The following LRRTM4 variants were observed in gnomAD, a reference collection of about 807,000 sequenced individuals.
LRRTM4 encodes leucine-rich repeat transmembrane neuronal protein 4.
A neutral mutation model predicts 47.6 loss-of-function variants in LRRTM4; 25 were observed. That is an observed-to-expected ratio of 0.53 (90% CI 0.38 to 0.73). The LOEUF (loss-of-function observed/expected upper bound fraction) is 0.73, where lower values mean the gene tolerates loss of function less well. LRRTM4 is among the 30% of genes least tolerant of loss of function. The pLI, the probability that LRRTM4 is intolerant of heterozygous loss-of-function variation, is 0.00. For missense variants in LRRTM4, 638 were observed against 713.4 expected (o/e 0.89, Z 1.20); for synonymous variants, 311 against 269.5 (o/e 1.15, Z -1.51).
chr2:76,840,123 A>G (rs1040673813), intron 3 of LRRTM4, among the ~76,000 whole-genome samples: 3 of 152,200 alleles, frequency 2.0e-5, no homozygotes, highest in African/African-American at 7.2e-5. Flanking sequence ...TCCCTTGGAA[A>G]AATGAATTTT....
rs1193276134 is a variant in LRRTM4, at chr2:77,059,114, T to A, written c.1552-310198A>T. The stretch of plus-strand genomic sequence containing the variant: ...CTTTGTTATCTGCTAAACTTGGCAA[T>A]GGTTTTCAAGATCTGTAGCTAAATT... On this transcript the variant is annotated intron_variant, in intron 3 of 3. Transcript: ENST00000409884. Among the ~76,000 whole-genome samples the A allele has an allele frequency of 2.6e-5, 4 of 152,264 alleles. No homozygotes were observed. The South Asian group carries it at 8.3e-4, about 32-fold the overall frequency.
chr2:77,131,020 G>A (rs1671788179), intron 3 of LRRTM4, among the ~76,000 whole-genome samples: 1 of 145,542 alleles, frequency 6.9e-6, no homozygotes, highest in Admixed American at 7.0e-5. Flanking sequence ...ATTTTTAGTA[G>A]AGACGGGGTT....
chr2:77,395,848 A>G (rs1221570544), intron 3 of LRRTM4, among the ~76,000 whole-genome samples: 1 of 152,086 alleles, frequency 6.6e-6, no homozygotes, highest in East Asian at 1.9e-4. Flanking sequence ...ACTAATATTC[A>G]TTTCAGTATT....
intron 3 of LRRTM4, among the ~76,000 whole-genome samples, chr2:76,918,858 G>T (rs144115827): frequency 6.6e-6 from 1 of 152,188 alleles, no homozygotes; most frequent in African/African-American, 2.4e-5. Flanking sequence ...TGTCATCCAC[G>T]ATGTATTCCA....
At chr2:76,968,589 T>C (rs939025494) in intron 3 of LRRTM4, among the ~76,000 whole-genome samples, 6 of 151,488 alleles carry the variant, frequency 4.0e-5, no homozygotes, top group Middle Eastern at 3.4e-3. Flanking sequence ...CACTGCTCAT[T>C]TTGCTTTTTA....
At chr2:76,907,886 G>A (rs1482848216) in intron 3 of LRRTM4, among the ~76,000 whole-genome samples, 1 of 143,976 alleles carries the variant, frequency 6.9e-6, no homozygotes. Context: ...AGGACCAGAT[G>A]GATTTACAGC....
rs1415752655 is a variant in LRRTM4, at chr2:77,019,255, A to C, written c.1552-270339T>G. Among the ~76,000 whole-genome samples the C allele has an allele frequency of 3.6e-4, 51 of 141,986 alleles. 1 individual carries two copies. Among genetic ancestry groups the C allele is most frequent in the South Asian group, 6.6e-4 (3 of 4,536 alleles). 93.1% of individuals were successfully genotyped at this position (141,986 alleles called of 152,430 possible). A position where few individuals can be genotyped will look rare whatever the true frequency, so the allele number is the denominator to read the frequency against. ...ATACTAAGCTTGTCACTGCTCTACA[A>C]AAAAAAAAAAAAAAAAAAAAATATA... On this transcript the variant is annotated intron_variant, in intron 3 of 3. Transcript: ENST00000409884.
At chr2:77,167,268 G>T (rs1312442777) in intron 3 of LRRTM4, among the ~76,000 whole-genome samples, 1 of 152,140 alleles carries the variant, frequency 6.6e-6, no homozygotes, top group African/African-American at 2.4e-5. Flanking sequence ...TTTCACATCA[G>T]TTAGAATGGT....
At chr2:76,873,424 T>G (rs1471848232) in intron 3 of LRRTM4, among the ~76,000 whole-genome samples, 1 of 150,046 alleles carries the variant, frequency 6.7e-6, no homozygotes, top group Non-Finnish European at 1.5e-5. Flanking sequence ...TGTGTGTATA[T>G]GTATACATTA....
intron 3 of LRRTM4, among the ~76,000 whole-genome samples, chr2:76,752,693 A>G (rs946197057): frequency 6.6e-6 from 1 of 152,226 alleles, no homozygotes; most frequent in African/African-American, 2.4e-5. Context: ...AGGAGCTCAG[A>G]GGCTGAGGTC....
At chr2:77,244,426 A>T (rs1363334129) in intron 3 of LRRTM4, among the ~76,000 whole-genome samples, 2 of 152,172 alleles carry the variant, frequency 1.3e-5, no homozygotes, top group African/African-American at 4.8e-5. Flanking sequence ...GTTTTATTTA[A>T]TGTTATTCTA....
chr2:76,785,149 T>A (rs923651935), intron 3 of LRRTM4, among the ~76,000 whole-genome samples: 2 of 152,116 alleles, frequency 1.3e-5, no homozygotes, highest in Non-Finnish European at 2.9e-5. Context: ...ACAATTAATT[T>A]AAAATGCTGC....
chr2:76,942,867 T>C (rs1012708971), intron 3 of LRRTM4, among the ~76,000 whole-genome samples: 9 of 152,306 alleles, frequency 5.9e-5, no homozygotes, highest in Admixed American at 1.3e-4. Flanking sequence ...TAAAATGATA[T>C]GATCTTTTGT....
intron 3 of LRRTM4, among the ~76,000 whole-genome samples, chr2:77,433,598 C>T (rs1472364749): frequency 6.6e-6 from 1 of 152,114 alleles, no homozygotes; most frequent in Admixed American, 6.5e-5. Context: ...AGGTAATATT[C>T]TGATATGTTT....
chr2:76,748,538 C>G lies in LRRTM4; in HGVS notation c.*157G>C. The G allele has an allele frequency of 1.6e-6, 1 of 626,752 alleles. No individual in the cohort carries two copies. The highest frequency in any genetic ancestry group is 2.7e-6 in the Non-Finnish European group (1 of 365,090). 38.8% of individuals were successfully genotyped at this position (626,752 alleles called of 1,614,324 possible). A position where few individuals can be genotyped will look rare whatever the true frequency, so the allele number is the denominator to read the frequency against. Reference sequence around the variant, plus strand: ...AGGTGCATTCGCTGCCCTCTTCAAGCAGTTTTTTTTTCTCTTTTTCTTTTC... The same window carrying G: ...AGGTGCATTCGCTGCCCTCTTCAAGGAGTTTTTTTTTCTCTTTTTCTTTTC... On this transcript the variant is annotated 3_prime_UTR_variant, in exon 4 of 4. Coordinates refer to ENST00000409884, the MANE Select transcript of LRRTM4 (RefSeq NM_001134745.3).
intron 3 of LRRTM4, among the ~76,000 whole-genome samples, chr2:77,415,657 A>G (rs1053692204): frequency 2.0e-5 from 3 of 151,914 alleles, no homozygotes; most frequent in African/African-American, 4.8e-5. Flanking sequence ...TAGAAGTACT[A>G]TTTTTTTCCA....
intron 3 of LRRTM4, among the ~76,000 whole-genome samples, chr2:77,246,675 C>T (rs1467030064): frequency 1.3e-5 from 2 of 151,856 alleles, no homozygotes; most frequent in African/African-American, 4.8e-5. Flanking sequence ...GCTGAAATTC[C>T]CTGCCTACTT....
intron 3 of LRRTM4, among the ~76,000 whole-genome samples, chr2:77,292,720 G>A (rs866539936): frequency 0.016 from 1,913 of 122,556 alleles, 56 homozygotes; most frequent in African/African-American, 0.055. Context: ...GGGGGGAGGG[G>A]TAGCTTTAAG....
intron 3 of LRRTM4, among the ~76,000 whole-genome samples, chr2:77,065,898 G>A (rs529939591): frequency 4.6e-5 from 7 of 152,212 alleles, no homozygotes; most frequent in African/African-American, 1.7e-4. Context: ...CATGAAATGA[G>A]ATCATACATG....
Sources: allele counts gnomAD v4.1 joint callset (sites outside exome capture counted in the v4.1 genomes callset), GRCh38; gene constraint gnomAD v4.1.1; transcripts MANE v1.5; gene names NCBI Gene and HGNC (gene_info 2026-07-23, HGNC 2026-07-21).